Variants in CAMSAP1 observed in about 807,000 individuals in gnomAD.
The protein encoded by CAMSAP1 is calmodulin regulated spectrin associated protein 1.
CAMSAP1 carries 58 observed loss-of-function variants against 143.5 expected under a neutral mutation model. That is an observed-to-expected ratio of 0.40 (90% CI 0.33 to 0.50). The LOEUF (loss-of-function observed/expected upper bound fraction) is 0.50. CAMSAP1 is among the 20% of genes least tolerant of loss of function. The pLI, the probability that CAMSAP1 is intolerant of heterozygous loss-of-function variation, is 0.45. For synonymous variants in CAMSAP1, 945 were observed against 859.3 expected (o/e 1.10, Z -1.74); for missense variants, 1,969 against 2,115.7 (o/e 0.93, Z 1.36).
At chr9:135,887,743 G>A (rs1838169604) in intron 1 of CAMSAP1, among the ~76,000 whole-genome samples, 1 of 152,122 alleles carries the variant, frequency 6.6e-6, no homozygotes, top group African/African-American at 2.4e-5. Flanking sequence ...GGAGGAAGTG[G>A]GGAGAAGTGC....
rs756997123 is a variant in CAMSAP1, at chr9:135,821,374, C to A, written c.3287G>T (p.Gly1096Val). ...CGGCCTTCCGGAACGGGAATTCCGG[C>A]CTTGACCCAGCCGGGGGGCTTTGCG... ...GHRKAPRLGQ[G>V]RNSRSGRPAE... Residue 1096 changes from glycine (G) to valine (V), a missense_variant, in exon 11 of 17, where the codon GGC (glycine) becomes GTC (valine). This residue lies in a region of CAMSAP1 where 1,390 missense variants were observed against 1,420.8 expected (regional missense o/e 0.98). Transcript: ENST00000389532. This position sits in a 1 kb window ranked among gnomAD's most constrained non-coding sequence, Gnocchi z 4.6. 4 of 1,613,636 alleles carry A rather than the reference C, an allele frequency of 2.5e-6. No individual in the cohort carries two copies. The highest frequency in any genetic ancestry group is 1.3e-5 in the African/African-American group (1 of 74,948).
chr9:135,811,115 G>GT lies in CAMSAP1; in HGVS notation c.*193dup. The GT allele has an allele frequency of 1.5e-6, 1 of 658,012 alleles. No homozygotes were observed. The highest frequency in any genetic ancestry group is 2.6e-6 in the Non-Finnish European group (1 of 391,374). 40.8% of individuals were successfully genotyped at this position (658,012 alleles called of 1,614,324 possible). ...CCTCACCCTGCCTGGCATCCTCTGC[G>GT]TGAGATGAGCGCTGAGAGAGGGGTT... On this transcript the variant is annotated 3_prime_UTR_variant, in exon 17 of 17. Transcript: ENST00000389532. The surrounding 1 kb of genome is among the most constrained non-coding windows in gnomAD (Gnocchi z 4.9).
rs371009876 is a variant in CAMSAP1, at chr9:135,822,130, G to A, written c.2531C>T (p.Ala844Val). ...CAGAGGGGCTGGGCAGCTCTCAGACGCATCTGGCGTGGTCTTCTGGGAGCT... is the reference window on the plus strand; with the variant it reads ...CAGAGGGGCTGGGCAGCTCTCAGACACATCTGGCGTGGTCTTCTGGGAGCT... ...TSSSQKTTPD[A>V]SESCPAPLTT... The change falls in exon 11 of 17, where the codon GCG becomes GTG. Residue 844 changes from alanine (A) to valine (V), a missense_variant. Physicochemically the swap from Ala to Val is moderately conservative, Grantham distance 64. Coordinates refer to ENST00000389532, the MANE Select transcript of CAMSAP1 (RefSeq NM_015447.4). The surrounding 1 kb of genome is among the most constrained non-coding windows in gnomAD (Gnocchi z 6.1). The A allele has an allele frequency of 3.7e-5, 59 of 1,612,600 alleles. No homozygotes were observed. Among genetic ancestry groups the A allele is most frequent in the South Asian group, 3.5e-4 (32 of 91,074 alleles).
At chr9:135,861,268 A>G (rs1016382783) in intron 5 of CAMSAP1, among the ~76,000 whole-genome samples, 3 of 151,152 alleles carry the variant, frequency 2.0e-5, no homozygotes, top group African/African-American at 7.3e-5. Context: ...TCACTCAATG[A>G]CAGAGACCGT....
chr9:135,844,200 A>G (rs544034345), intron 7 of CAMSAP1, among the ~76,000 whole-genome samples: 121 of 152,348 alleles, frequency 7.9e-4, no homozygotes, highest in African/African-American at 2.9e-3. Flanking sequence ...CATAATTGGA[A>G]GTAAAACACT....
chr9:135,899,248 G>C (rs1255270692), intron 1 of CAMSAP1, among the ~76,000 whole-genome samples: 1 of 151,934 alleles, frequency 6.6e-6, no homozygotes, highest in Non-Finnish European at 1.5e-5. Context: ...TAAAACATGT[G>C]TGCTTTACCA....
chr9:135,832,419 T>G (rs1454711350), intron 7 of CAMSAP1, among the ~76,000 whole-genome samples: 1 of 152,136 alleles, frequency 6.6e-6, no homozygotes, highest in African/African-American at 2.4e-5. Context: ...GCTTACCTCC[T>G]CACAATAAAA....
chr9:135,837,974 C>T (rs1453243289), intron 7 of CAMSAP1, among the ~76,000 whole-genome samples: 1 of 150,560 alleles, frequency 6.6e-6, no homozygotes, highest in African/African-American at 2.5e-5. Flanking sequence ...TCTACAGACA[C>T]ACATCATCAC....
chr9:135,818,689 G>C lies in CAMSAP1; in HGVS notation c.3960-73C>G. 4.0e-6 allele frequency: 6 copies of C among 1,502,508 alleles called. No homozygotes were observed. Among genetic ancestry groups the C allele is most frequent in the South Asian group, 1.2e-5 (1 of 80,062 alleles). The allele number at this position is 1,502,508 out of a possible 1,614,324, so 93.1% of individuals were successfully genotyped here. On this transcript the variant is annotated intron_variant, in intron 12 of 16. Transcript: ENST00000389532. The surrounding 1 kb of genome is among the most constrained non-coding windows in gnomAD (Gnocchi z 7.7). Reference sequence around the variant, plus strand: ...CACGACGCCTGCGCCGCGGCGCTCTGTCCAGGCGCGTTTCTCGGGTTCTCC... The same window carrying C: ...CACGACGCCTGCGCCGCGGCGCTCTCTCCAGGCGCGTTTCTCGGGTTCTCC...
At chr9:135,825,099 G>C (rs762323666) in intron 8 of CAMSAP1, among the ~76,000 whole-genome samples, 1 of 152,152 alleles carries the variant, frequency 6.6e-6, no homozygotes, top group African/African-American at 2.4e-5. Flanking sequence ...CTGACTCCCC[G>C]ATGTGTCTAC....
intron 7 of CAMSAP1, among the ~76,000 whole-genome samples, chr9:135,839,570 C>T (rs563778811): frequency 3.3e-5 from 5 of 152,248 alleles, no homozygotes; most frequent in African/African-American, 9.6e-5. Flanking sequence ...GAGAATCACG[C>T]GACATTAACA....
In CAMSAP1 at chr9:135,818,013, G is replaced by A. The variant is rs1156966429; in HGVS notation, c.4235C>T (p.Pro1412Leu). The change falls in exon 14 of 17, where the codon CCC (proline) becomes CTC (leucine). Residue 1412 changes from proline (P) to leucine (L), a missense_variant. Around this residue, in one of 4 missense-constraint regions of CAMSAP1, gnomAD observed 1,390 missense variants for 1,420.8 expected, o/e 0.98. Transcript: ENST00000389532. This position sits in a 1 kb window ranked among gnomAD's most constrained non-coding sequence, Gnocchi z 7.7. ...LSLASAATTEPESVHSGGTPS... is the reference protein window; with the variant it reads ...LSLASAATTELESVHSGGTPS... ...TGTGCCCCCGGAATGAACGCTCTCG[G>A]GTTCTGTCGTCGCCGCAGAGGCCAA... 5.6e-6 allele frequency: 9 copies of A among 1,613,948 alleles called. No homozygotes were observed. The highest frequency in any genetic ancestry group is 7.6e-6 in the Non-Finnish European group (9 of 1,179,882).
In CAMSAP1 at chr9:135,821,714, G is replaced by C. The variant is rs1338555001; in HGVS notation, c.2947C>G (p.Gln983Glu). The stretch of plus-strand genomic sequence containing the variant: ...ACAGGGTCTTTTGCTTTATGTTGCT[G>C]AGCAAAGGCCAGGCTCTCTTTGTCC... Reference protein sequence around the residue: ...DVDKESLAFAQQHKAKDPVAL... With the variant: ...DVDKESLAFAEQHKAKDPVAL... The change falls in exon 11 of 17, where the codon CAG becomes GAG. Residue 983 changes from glutamine to glutamate, a missense_variant. This residue lies in a region of CAMSAP1 where 1,390 missense variants were observed against 1,420.8 expected (regional missense o/e 0.98). Transcript: ENST00000389532. The surrounding 1 kb of genome is among the most constrained non-coding windows in gnomAD (Gnocchi z 4.6). 1 of 1,613,866 alleles carries C rather than the reference G, an allele frequency of 6.2e-7. No homozygotes were observed. The highest frequency in any genetic ancestry group is 1.7e-5 in the Admixed American group (1 of 60,008).
rs1168578692 is a variant in CAMSAP1 at position 135,809,234 on chromosome 9, T to C, written c.*2075A>G. 2.6e-5 allele frequency: 4 copies of C among 152,202 alleles called. No individual in the cohort carries two copies. The highest frequency in any genetic ancestry group is 9.7e-5 in the African/African-American group (4 of 41,432). 9.4% of individuals were successfully genotyped at this position (152,202 alleles called of 1,614,324 possible). A position where few individuals can be genotyped will look rare whatever the true frequency, so the allele number is the denominator to read the frequency against. Reference sequence around the variant, plus strand: ...AACGCAGGGACGCTTCTGTCAATCATTAGGCGAACACTGGCCTGGGGACTT... The same window carrying C: ...AACGCAGGGACGCTTCTGTCAATCACTAGGCGAACACTGGCCTGGGGACTT... On this transcript the variant is annotated 3_prime_UTR_variant, in exon 17 of 17. Transcript: ENST00000389532.
chr9:135,813,244 G>C (rs966617460), intron 16 of CAMSAP1, among the ~76,000 whole-genome samples: 3 of 152,202 alleles, frequency 2.0e-5, no homozygotes, highest in African/African-American at 7.2e-5. Flanking sequence ...ACCTTCCCAA[G>C]GCCCTGGGCT....
chr9:135,907,466 G>A lies in CAMSAP1; in HGVS notation c.-307C>T, dbSNP rs1838823933. ...GGGGCGGGAGCGGGCCGGGGGCGGT[G>A]GCAGCGCGTGCGCGGTCCCGGGTGA... On this transcript the variant is annotated 5_prime_UTR_variant, in exon 1 of 17. Transcript: ENST00000389532. Among the ~76,000 whole-genome samples the A allele has an allele frequency of 6.8e-6, 1 of 146,632 alleles. No individual in the cohort carries two copies. The highest frequency in any genetic ancestry group is 6.8e-5 in the Admixed American group (1 of 14,764).
At chr9:135,876,113 G>A (rs985680086) in intron 3 of CAMSAP1, among the ~76,000 whole-genome samples, 26 of 152,048 alleles carry the variant, frequency 1.7e-4, no homozygotes, top group Admixed American at 1.4e-3. Context: ...CCGCCATCAC[G>A]CCTAATTTTT....
chr9:135,843,686 A>G (rs1383593644), intron 7 of CAMSAP1, among the ~76,000 whole-genome samples: 3 of 152,010 alleles, frequency 2.0e-5, no homozygotes, highest in African/African-American at 7.2e-5. Context: ...CCTGGCTAAC[A>G]CGCTGAAACC....
chr9:135,836,499 T>C (rs1836046714), intron 7 of CAMSAP1: 1 of 977,080 alleles, frequency 1.0e-6, no homozygotes, highest in Non-Finnish European at 1.2e-6. Flanking sequence ...CAGACACACA[T>C]CACCACGCAC....
Sources: allele counts gnomAD v4.1 joint callset (sites outside exome capture counted in the v4.1 genomes callset), GRCh38; gene constraint gnomAD v4.1.1; regional missense constraint gnomAD v4.1.1; non-coding constraint Gnocchi (gnomAD v3.1); transcripts MANE v1.5; gene names NCBI Gene and HGNC (gene_info 2026-07-23, HGNC 2026-07-21).